Variants in KIAA1671 observed in about 807,000 individuals in gnomAD.
The protein encoded by KIAA1671 is KIAA1671.
A neutral mutation model predicts 131.2 loss-of-function variants in KIAA1671; 52 were observed. The observed-to-expected ratio is 0.40, with a 90% confidence interval of 0.32 to 0.50. The LOEUF (loss-of-function observed/expected upper bound fraction) is 0.50. Ranked by LOEUF, KIAA1671 falls within the 20% of genes least tolerant of loss-of-function variation. The probability of loss-of-function intolerance (pLI) is 0.73; values close to 1 mark genes in which losing one functional copy is unlikely to be tolerated. For missense variants in KIAA1671, 2,360 were observed against 2,364.2 expected, an observed-to-expected ratio of 1.00 and a Z score of 0.04; for synonymous variants, 1,003 against 961.6, an observed-to-expected ratio of 1.04 and a Z score of -0.80.
intron 6 of KIAA1671, among the ~76,000 whole-genome samples, chr22:25,164,117 G>A (rs1238632635): frequency 6.6e-6 from 1 of 152,160 alleles, no homozygotes; most frequent in African/African-American, 2.4e-5. Context: ...CCAGGCAAGT[G>A]GTTTTTAAAC....
At position 25,040,350 on chromosome 22, in the gene KIAA1671, C is replaced by T. The variant is rs1405299854; in HGVS notation, c.3220C>T (p.Leu1074Phe). The change falls in exon 5 of 13, where the codon CTT (leucine) becomes TTT (phenylalanine). Residue 1074 changes from leucine (L) to phenylalanine (F), a missense_variant. By Grantham distance (22) the Leu-to-Phe change is conservative. Transcript: ENST00000358431. Reference protein sequence around the residue: ...PHSLTSTLVSLGHEEALEMAG... With the variant: ...PHSLTSTLVSFGHEEALEMAG... ...TTCTTTAACATCCACTTTGGTTTCTCTTGGTCATGAAGAGGCATTGGAGAT... is the reference window on the plus strand; with the variant it reads ...TTCTTTAACATCCACTTTGGTTTCTTTTGGTCATGAAGAGGCATTGGAGAT... 5.8e-6 allele frequency: 9 copies of T among 1,551,696 alleles called. No homozygotes were observed. Among genetic ancestry groups the T allele is most frequent in the Non-Finnish European group, 7.8e-6 (9 of 1,147,004 alleles).
intron 1 of KIAA1671, among the ~76,000 whole-genome samples, chr22:25,021,811 G>A (rs1220877403): frequency 5.3e-5 from 8 of 151,080 alleles, no homozygotes; most frequent in African/African-American, 1.9e-4. Flanking sequence ...TTTTGGGATG[G>A]AGTCTCGCTC....
At chr22:25,050,471 C>T (rs1298996286) in intron 6 of KIAA1671, 2 of 152,366 alleles carry the variant, frequency 1.3e-5, no homozygotes, top group East Asian at 3.9e-4. Context: ...TTCAGGGATA[C>T]CTGGGCCTGG....
rs577415916 is a variant in KIAA1671 at position 25,018,598 on chromosome 22, TTC to T, written c.-207-7033_-207-7032del. On this transcript the variant is annotated intron_variant, in intron 1 of 12. Coordinates refer to ENST00000358431, the MANE Select transcript of KIAA1671 (RefSeq NM_001145206.2). Reference sequence around the variant, plus strand: ...CAGCGCTGGCAACCACCATTGTACTTTCTGTCTTTATGAATTTGCCTATTCTA... The same window carrying T: ...CAGCGCTGGCAACCACCATTGTACTTTGTCTTTATGAATTTGCCTATTCTA... Among the ~76,000 whole-genome samples the T allele has an allele frequency of 5.3e-3, 806 of 152,300 alleles. 3 individuals carry two copies. The highest frequency in any genetic ancestry group is 8.6e-3 in the Non-Finnish European group (588 of 68,022).
chr22:25,052,964 C>G (rs1244999204), intron 6 of KIAA1671: 2 of 152,218 alleles, frequency 1.3e-5, no homozygotes, highest in Non-Finnish European at 2.9e-5. Context: ...TTTCCGCCAG[C>G]CTTGGTTTCC....
In KIAA1671 at chr22:25,042,431, A is replaced by G. The variant is rs1926982389; in HGVS notation, c.4395+906A>G. 2.7e-5 allele frequency among the ~76,000 whole-genome samples: 4 copies of G among 148,186 alleles called. 1 individual carries two copies. In the South Asian group the frequency reaches 8.7e-4, roughly 32 times the overall value. ...ATCTTACGTGAGCCTCAAAAGAGGG[A>G]TCACCATGGTTTTGGGTTCCAGCAG... On this transcript the variant is annotated intron_variant, in intron 5 of 12. Transcript: ENST00000358431.
At position 25,196,567 on chromosome 22, in the gene KIAA1671, C is replaced by G. The variant is rs1266137576; in HGVS notation, c.*4166C>G. ...CTCTCATCTCCACCTCCAGAGTAGC[C>G]TAGATGACAGGCGCACATCACCACG... On this transcript the variant is annotated 3_prime_UTR_variant, in exon 13 of 13. Transcript: ENST00000358431. 1 of 152,108 alleles carries G rather than the reference C, an allele frequency of 6.6e-6. No homozygotes were observed. Among genetic ancestry groups the G allele is most frequent in the Non-Finnish European group, 1.5e-5 (1 of 68,072 alleles). The allele number at this position is 152,108 out of a possible 1,614,324, so 9.4% of individuals were successfully genotyped here.
At chr22:25,072,894 C>T (rs531592488) in intron 6 of KIAA1671, among the ~76,000 whole-genome samples, 2 of 152,288 alleles carry the variant, frequency 1.3e-5, no homozygotes, top group Non-Finnish European at 2.9e-5. Flanking sequence ...GAGGTGCTCG[C>T]TCCCCTGCCA....
intron 1 of KIAA1671, among the ~76,000 whole-genome samples, chr22:24,963,462 G>A (rs896055728): frequency 1.3e-5 from 2 of 151,198 alleles, no homozygotes; most frequent in Non-Finnish European, 2.9e-5. Context: ...GGTTTCCAAA[G>A]TAAGCTGGGT....
At chr22:25,066,686 A>G (rs1162263274) in intron 6 of KIAA1671, among the ~76,000 whole-genome samples, 1 of 152,192 alleles carries the variant, frequency 6.6e-6, no homozygotes, top group African/African-American at 2.4e-5. Flanking sequence ...TCGCATTTGC[A>G]GGTTCTAGGT....
At chr22:25,006,632 A>G (rs898598723) in intron 1 of KIAA1671, among the ~76,000 whole-genome samples, 6 of 152,150 alleles carry the variant, frequency 3.9e-5, no homozygotes, top group Non-Finnish European at 7.3e-5. Flanking sequence ...AGATTCTCAC[A>G]ATTCAGTGAT....
intron 1 of KIAA1671, among the ~76,000 whole-genome samples, chr22:24,971,014 A>G (rs1368025747): frequency 6.6e-6 from 1 of 152,148 alleles, no homozygotes; most frequent in Non-Finnish European, 1.5e-5. Context: ...CTGGAGTGCA[A>G]TGGTGTGATA....
chr22:25,039,072 C>T lies in KIAA1671; in HGVS notation c.1942C>T (p.Pro648Ser), dbSNP rs905260840. The change falls in exon 5 of 13, where the codon CCC becomes TCC. Residue 648 changes from proline (P) to serine (S), a missense_variant. By Grantham distance (74) the Pro-to-Ser change is moderately conservative. Coordinates refer to ENST00000358431, the MANE Select transcript of KIAA1671 (RefSeq NM_001145206.2). ...CATGGCCCATGCCCGTGTCTCAGAA[C>T]CCAGGCCGAGGCCTGAGATGGGCTC... ...GDMAHARVSEPRPRPEMGSWL... is the reference protein window; with the variant it reads ...GDMAHARVSESRPRPEMGSWL... The T allele has an allele frequency of 7.7e-6, 12 of 1,551,722 alleles. No individual in the cohort carries two copies. The Admixed American group carries it at 2.0e-4, about 25-fold the overall frequency.
intron 1 of KIAA1671, among the ~76,000 whole-genome samples, chr22:25,000,850 A>G (rs551698923): frequency 1.3e-5 from 2 of 148,972 alleles, no homozygotes; most frequent in Non-Finnish European, 3.0e-5. Flanking sequence ...GGTTCTTGCC[A>G]TGTTTTCCAG....
intron 11 of KIAA1671, 127 bp downstream of exon 11, chr22:25,185,246 A>G: frequency 9.6e-7 from 1 of 1,043,898 alleles, no homozygotes; most frequent in Admixed American, 3.2e-5. Context: ...CTCTAGCAGC[A>G]GAAGCTTTGT....
At chr22:25,034,886 C>T (rs369405684) in intron 4 of KIAA1671, among the ~76,000 whole-genome samples, 161 of 150,034 alleles carry the variant, frequency 1.1e-3, no homozygotes, top group East Asian at 4.0e-3. Flanking sequence ...TACAGAGGCC[C>T]GCCACCACGC....
At position 25,004,366 on chromosome 22, in the gene KIAA1671, T is replaced by G. The variant is rs1031143809; in HGVS notation, c.-207-21267T>G. Among the ~76,000 whole-genome samples the G allele has an allele frequency of 6.6e-5, 10 of 152,186 alleles. 1 individual carries two copies. Among genetic ancestry groups the G allele is most frequent in the Non-Finnish European group, 1.5e-4 (10 of 68,038 alleles). On this transcript the variant is annotated intron_variant, in intron 1 of 12. Transcript: ENST00000358431. ...CCTGGCCTCAAGTGAGGCCTTGGCC[T>G]CCTGAAGCGCTGGGATTACAGGAGT...
At chr22:25,159,364 C>T (rs1181864492) in intron 6 of KIAA1671, among the ~76,000 whole-genome samples, 4 of 152,134 alleles carry the variant, frequency 2.6e-5, no homozygotes, top group South Asian at 2.1e-4. Flanking sequence ...GATCATTATG[C>T]GATGTAGGAC....
chr22:25,038,796 C>G lies in KIAA1671; in HGVS notation c.1666C>G (p.Pro556Ala), dbSNP rs911353816. The change falls in exon 5 of 13, where the codon CCG (proline) becomes GCG (alanine). Residue 556 changes from proline (P) to alanine (A), a missense_variant. This residue lies in a region of KIAA1671 where 1,185 missense variants were observed against 1,126.2 expected (regional missense o/e 1.05). Transcript: ENST00000358431. Reference protein sequence around the residue: ...EGHSLDGACIPRSPWKPGTLR... With the variant: ...EGHSLDGACIARSPWKPGTLR... ...GCACAGTTTGGATGGAGCATGCATC[C>G]CGAGAAGCCCCTGGAAGCCTGGGAC... is the stretch of plus-strand genomic sequence containing the variant. The G allele has an allele frequency of 4.8e-5, 75 of 1,549,810 alleles. 1 individual carries two copies. The East Asian group carries it at 1.8e-3, about 37-fold the overall frequency.
Sources: gnomAD v4.1 joint callset for allele counts (sites outside exome capture counted in the v4.1 genomes callset) on GRCh38, gnomAD v4.1.1 for gene constraint, gnomAD v4.1.1 regional missense constraint, MANE v1.5 for transcripts, NCBI Gene and HGNC (gene_info 2026-07-23, HGNC 2026-07-21) for gene names.